Variants in MGAT4C observed in about 807,000 individuals in gnomAD.
MGAT4C encodes MGAT4 family member C.
MGAT4C carries 19 observed loss-of-function variants against 40.1 expected under a neutral mutation model. The observed-to-expected ratio is 0.47, with a 90% CI of 0.33 to 0.70. The LOEUF (loss-of-function observed/expected upper bound fraction) is 0.70, where lower values mean the gene tolerates loss of function less well. Among genes scored for constraint, MGAT4C ranks in the 30% least tolerant of loss-of-function variants. The probability of loss-of-function intolerance (pLI) is 0.02; values close to 1 mark genes in which losing one functional copy is unlikely to be tolerated. For missense variants in MGAT4C, 491 were observed against 563.2 expected (o/e 0.87, Z 1.30); for synonymous variants, 181 against 187.1 (o/e 0.97, Z 0.27).
At chr12:86,338,816 A>G (rs550867657) in intron 3 of MGAT4C, among the ~76,000 whole-genome samples, 3 of 151,864 alleles carry the variant, frequency 2.0e-5, no homozygotes, top group Non-Finnish European at 4.4e-5. Context: ...AAAATTAGCC[A>G]GGCATGGTGG....
At chr12:86,490,239 A>G (rs1958106607) in intron 2 of MGAT4C, among the ~76,000 whole-genome samples, 1 of 152,186 alleles carries the variant, frequency 6.6e-6, no homozygotes, top group Admixed American at 6.5e-5. Flanking sequence ...CAGAAACCCT[A>G]CAAGCCAGAA....
intron 2 of MGAT4C, among the ~76,000 whole-genome samples, chr12:86,014,674 T>C (rs1364272453): frequency 6.6e-6 from 1 of 152,064 alleles, no homozygotes; most frequent in Admixed American, 6.5e-5. Context: ...TTGGCAAGAA[T>C]TGGGGGAAGA....
chr12:86,606,184 T>C (rs1020531439), intron 2 of MGAT4C, among the ~76,000 whole-genome samples: 4 of 152,106 alleles, frequency 2.6e-5, no homozygotes, highest in African/African-American at 9.6e-5. Flanking sequence ...TTTTGACGCA[T>C]GGGGATTATG....
chr12:86,798,454 G>A (rs1313070259), intron 1 of MGAT4C, among the ~76,000 whole-genome samples: 1 of 151,842 alleles, frequency 6.6e-6, no homozygotes, highest in Non-Finnish European at 1.5e-5. Context: ...ATGCACAACT[G>A]TATAAACCTG....
chr12:86,590,566 G>A (rs10858454), intron 2 of MGAT4C, among the ~76,000 whole-genome samples: 128,933 of 151,544 alleles, frequency 0.85, 55,375 homozygotes, highest in South Asian at 0.96. Context: ...GCTGTTTCTT[G>A]TATACATATG....
chr12:86,472,665 G>A (rs1254889067), intron 2 of MGAT4C, among the ~76,000 whole-genome samples: 2 of 152,026 alleles, frequency 1.3e-5, no homozygotes, highest in African/African-American at 4.8e-5. Context: ...TTATTCTGGA[G>A]GAGAGGGATG....
At chr12:86,320,409 C>G (rs909406615) in intron 4 of MGAT4C, among the ~76,000 whole-genome samples, 1 of 152,020 alleles carries the variant, frequency 6.6e-6, no homozygotes, top group African/African-American at 2.4e-5. Context: ...CAAAGAGTGG[C>G]ATTTTCTTTT....
chr12:86,197,947 C>T (rs1161941135), intron 1 of MGAT4C, among the ~76,000 whole-genome samples: 1 of 152,002 alleles, frequency 6.6e-6, no homozygotes, highest in African/African-American at 2.4e-5. Context: ...CTAATTTATA[C>T]TTGACCAGAA....
chr12:86,065,183 A>C (rs1894413874), intron 1 of MGAT4C, among the ~76,000 whole-genome samples: 1 of 152,192 alleles, frequency 6.6e-6, no homozygotes, highest in Admixed American at 6.5e-5. Flanking sequence ...ACAATACATA[A>C]AGAGGGACTC....
At chr12:86,413,071 G>A (rs1363841180) in intron 3 of MGAT4C, among the ~76,000 whole-genome samples, 3 of 152,026 alleles carry the variant, frequency 2.0e-5, no homozygotes, top group Non-Finnish European at 2.9e-5. Flanking sequence ...AGTAAACCGT[G>A]ATTTTTAACC....
Position 86,579,409 on chromosome 12 carries a change from A to C in MGAT4C, c.-228-144144T>G, listed in dbSNP as rs910491980. Among the ~76,000 whole-genome samples, 5 of 151,610 alleles carry C rather than the reference A, an allele frequency of 3.3e-5. No homozygotes were observed. The South Asian group carries it at 1.0e-3, about 31-fold the overall frequency. Reference sequence around the variant, plus strand: ...ACCTGATATAAATACTATTTGCATAAACAAGCAAAAACAAAACTAATAAAA... The same window carrying C: ...ACCTGATATAAATACTATTTGCATACACAAGCAAAAACAAAACTAATAAAA... On this transcript the variant is annotated intron_variant, in intron 2 of 7. Coordinates refer to the MGAT4C transcript ENST00000548651.
chr12:86,521,531 T>G (rs1438836073), intron 2 of MGAT4C, among the ~76,000 whole-genome samples: 1 of 152,158 alleles, frequency 6.6e-6, no homozygotes, highest in Non-Finnish European at 1.5e-5. Flanking sequence ...TCTTTTTGCT[T>G]AGGATTGCCT....
intron 4 of MGAT4C, among the ~76,000 whole-genome samples, chr12:86,314,093 T>C (rs1005327901): frequency 2.6e-5 from 4 of 152,246 alleles, no homozygotes; most frequent in Non-Finnish European, 4.4e-5. Context: ...AGGAGCACAA[T>C]AAGCTCCCTG....
chr12:86,478,998 C>T (rs371797459), intron 2 of MGAT4C, among the ~76,000 whole-genome samples: 41 of 152,034 alleles, frequency 2.7e-4, no homozygotes, highest in African/African-American at 9.2e-4. Flanking sequence ...TTGAAGGACA[C>T]GTGACTTTTT....
intron 4 of MGAT4C, among the ~76,000 whole-genome samples, chr12:86,310,915 C>T (rs1474238514): frequency 6.6e-6 from 1 of 152,178 alleles, no homozygotes; most frequent in African/African-American, 2.4e-5. Flanking sequence ...CACAATGAGA[C>T]TTCGTCTCAA....
Position 86,720,470 on chromosome 12 carries a change from T to C in MGAT4C, c.-229+6739A>G, listed in dbSNP as rs77563006. Among the ~76,000 whole-genome samples the C allele has an allele frequency of 8.3e-3, 1,268 of 152,304 alleles. 15 individuals carry two copies. Among genetic ancestry groups the C allele is most frequent in the African/African-American group, 0.029 (1,190 of 41,568 alleles). On this transcript the variant is annotated intron_variant, in intron 2 of 7. Coordinates refer to the MGAT4C transcript ENST00000548651. ...TTTTAAACTACTGCAATGTTCTATA[T>C]GTTATGTTTATTTTAAAGTACTACC... is the stretch of plus-strand genomic sequence containing the variant.
intron 2 of MGAT4C, among the ~76,000 whole-genome samples, chr12:86,680,219 T>C (rs1235246037): frequency 6.6e-6 from 1 of 152,008 alleles, no homozygotes; most frequent in Non-Finnish European, 1.5e-5. Flanking sequence ...TGCAGACACA[T>C]TGTATTTGAA....
chr12:86,717,651 T>A (rs1205368940), intron 2 of MGAT4C, among the ~76,000 whole-genome samples: 1 of 152,106 alleles, frequency 6.6e-6, no homozygotes, highest in Admixed American at 6.6e-5. Context: ...ATTGTTTTTA[T>A]TCAAACAATG....
intron 1 of MGAT4C, among the ~76,000 whole-genome samples, chr12:86,186,950 T>C (rs879919561): frequency 3.3e-5 from 5 of 152,120 alleles, no homozygotes; most frequent in Middle Eastern, 3.2e-3. Flanking sequence ...GCAGGCCAGC[T>C]TGGCAGCCAT....
Sources: allele counts gnomAD v4.1 joint callset (sites outside exome capture counted in the v4.1 genomes callset), GRCh38; gene constraint gnomAD v4.1.1; transcripts MANE v1.5; gene names NCBI Gene and HGNC (gene_info 2026-07-23, HGNC 2026-07-21).